The following NDST3 variants were observed in gnomAD, a reference collection of about 807,000 sequenced individuals.
The protein encoded by NDST3 is bifunctional heparan sulfate N-deacetylase/N-sulfotransferase 3.
In NDST3, 58 loss-of-function variants were observed where a neutral mutation model predicts 96.1. The observed-to-expected ratio is 0.60, with a 90% CI of 0.49 to 0.75. NDST3 has a LOEUF of 0.75. Among genes scored for constraint, NDST3 ranks in the 30% least tolerant of loss-of-function variants. The probability of loss-of-function intolerance (pLI) is 0.00; values close to 1 mark genes in which losing one functional copy is unlikely to be tolerated. For missense variants in NDST3, 788 were observed against 1,034.2 expected (o/e 0.76, Z 3.27); for synonymous variants, 333 against 359.7 (o/e 0.93, Z 0.84).
intron 3 of NDST3, 33 bp downstream of exon 3, chr4:118,105,138 G>C: frequency 6.6e-7 from 1 of 1,513,924 alleles, no homozygotes; most frequent in South Asian, 1.1e-5. Flanking sequence ...TCTCATTAAG[G>C]CTTCTCTGAT....
chr4:118,253,102 A>G (rs954866770), intron 12 of NDST3, among the ~76,000 whole-genome samples: 8 of 152,214 alleles, frequency 5.3e-5, no homozygotes, highest in Admixed American at 4.6e-4. Flanking sequence ...ATCCATAGAC[A>G]TGGAAGAAGG....
At chr4:118,225,362 C>A (rs1369269304) in intron 7 of NDST3, among the ~76,000 whole-genome samples, 1 of 152,114 alleles carries the variant, frequency 6.6e-6, no homozygotes, top group African/African-American at 2.4e-5. Context: ...ATAATCTTGG[C>A]AAATAATTAC....
At chr4:118,047,593 T>G (rs965272588) in intron 1 of NDST3, among the ~76,000 whole-genome samples, 7 of 152,290 alleles carry the variant, frequency 4.6e-5, no homozygotes, top group Admixed American at 2.0e-4. Context: ...GTATAAGAAT[T>G]TCATAATACA....
intron 2 of NDST3, among the ~76,000 whole-genome samples, chr4:118,092,316 C>A (rs1728948097): frequency 6.6e-6 from 1 of 151,496 alleles, no homozygotes; most frequent in Non-Finnish European, 1.5e-5. Context: ...AGGATTCAAG[C>A]CCAGGAAACT....
intron 2 of NDST3, among the ~76,000 whole-genome samples, chr4:118,094,353 T>A (rs949350440): frequency 6.6e-6 from 1 of 151,844 alleles, no homozygotes; most frequent in Non-Finnish European, 1.5e-5. Context: ...ATCTATGGTA[T>A]AATCTAAAGC....
intron 4 of NDST3, among the ~76,000 whole-genome samples, chr4:118,120,693 A>T (rs1731494855): frequency 6.6e-6 from 1 of 152,148 alleles, no homozygotes; most frequent in South Asian, 2.1e-4. Flanking sequence ...GAAATACAGA[A>T]AATAAAGAGG....
intron 6 of NDST3, among the ~76,000 whole-genome samples, chr4:118,210,811 A>G (rs1236809097): frequency 6.6e-6 from 1 of 151,612 alleles, no homozygotes; most frequent in Non-Finnish European, 1.5e-5. Context: ...GACCCTGCTC[A>G]AGAGGGTTCC....
At chr4:118,081,851 T>G (rs1015471650) in intron 2 of NDST3, among the ~76,000 whole-genome samples, 2 of 152,134 alleles carry the variant, frequency 1.3e-5, no homozygotes, top group Non-Finnish European at 2.9e-5. Flanking sequence ...CCAGTTGGCT[T>G]CCTGAGAATA....
At chr4:118,078,534 G>A (rs898165635) in intron 2 of NDST3, among the ~76,000 whole-genome samples, 2 of 152,090 alleles carry the variant, frequency 1.3e-5, no homozygotes, top group African/African-American at 2.4e-5. Flanking sequence ...GGTGGATCAC[G>A]AGGGTCAGGA....
At chr4:118,144,471 C>T (rs1221708623) in intron 6 of NDST3, among the ~76,000 whole-genome samples, 1 of 152,166 alleles carries the variant, frequency 6.6e-6, no homozygotes, top group South Asian at 2.1e-4. Flanking sequence ...TGAGCCACCA[C>T]GCCTGGCCGG....
chr4:118,184,845 T>C (rs1736839814), intron 6 of NDST3, among the ~76,000 whole-genome samples: 1 of 152,212 alleles, frequency 6.6e-6, no homozygotes, highest in Non-Finnish European at 1.5e-5. Flanking sequence ...GCCCTCTGAC[T>C]ATGAAAGCTG....
intron 2 of NDST3, among the ~76,000 whole-genome samples, chr4:118,086,530 C>A (rs1246255159): frequency 1.3e-5 from 2 of 152,118 alleles, no homozygotes; most frequent in Non-Finnish European, 2.9e-5. Context: ...TCACCTCCTG[C>A]CAGCTTCACA....
At chr4:118,099,978 G>C (rs1729631873) in intron 2 of NDST3, among the ~76,000 whole-genome samples, 1 of 151,970 alleles carries the variant, frequency 6.6e-6, no homozygotes, top group South Asian at 2.1e-4. Flanking sequence ...CTTTAATCTG[G>C]ATGCCAGTGG....
intron 3 of NDST3, among the ~76,000 whole-genome samples, chr4:118,107,091 AAATAATAAT>A (rs148548944): frequency 8.9e-5 from 13 of 145,338 alleles, no homozygotes; most frequent in Admixed American, 1.5e-4. Flanking sequence ...CTCCATCTCA[AAATAATAAT>A]AATAATAATA....
intron 4 of NDST3, among the ~76,000 whole-genome samples, chr4:118,119,768 T>C (rs1222337331): frequency 6.6e-6 from 1 of 152,190 alleles, no homozygotes; most frequent in Non-Finnish European, 1.5e-5. Context: ...TTTACCCCTA[T>C]CCTGCTACCA....
chr4:118,119,966 C>A (rs1165757117), intron 4 of NDST3, among the ~76,000 whole-genome samples: 1 of 151,750 alleles, frequency 6.6e-6, no homozygotes, highest in Non-Finnish European at 1.5e-5. Flanking sequence ...ATCAGTCAGT[C>A]TTAAGATTTA....
chr4:118,187,051 C>G (rs1426515905), intron 6 of NDST3, among the ~76,000 whole-genome samples: 1 of 152,126 alleles, frequency 6.6e-6, no homozygotes, highest in Admixed American at 6.5e-5. Context: ...CCCCATGAAC[C>G]AATCCAACTA....
At chr4:118,229,407 C>T (rs678177) in intron 8 of NDST3, among the ~76,000 whole-genome samples, 123,396 of 152,198 alleles carry the variant, frequency 0.81, 52,450 homozygotes, top group South Asian at 0.95. Flanking sequence ...CGAAGATTTA[C>T]AGATGGTTAT....
chr4:118,083,663 C>T (rs1476959932), intron 2 of NDST3, among the ~76,000 whole-genome samples: 1 of 152,058 alleles, frequency 6.6e-6, no homozygotes, highest in Non-Finnish European at 1.5e-5. Flanking sequence ...TTCTTGAAGA[C>T]TTATTATGTG....
Sources: gnomAD v4.1 joint callset for allele counts (sites outside exome capture counted in the v4.1 genomes callset) on GRCh38, gnomAD v4.1.1 for gene constraint, MANE v1.5 for transcripts, NCBI Gene and HGNC (gene_info 2026-07-23, HGNC 2026-07-21) for gene names.